The following SMAP2 variants were observed in gnomAD, a reference collection of about 807,000 sequenced individuals.
The protein encoded by SMAP2 is stromal membrane-associated protein 2.
Under a neutral mutation model 56.4 loss-of-function variants are expected in SMAP2, and 25 were observed. The ratio of observed to expected loss-of-function variants is 0.44; its 90% CI spans 0.32 to 0.62. The LOEUF is 0.62. Among genes scored for constraint, SMAP2 ranks in the 20% least tolerant of loss-of-function variants. The pLI is 0.04. For missense variants in SMAP2, 388 were observed against 545.6 expected (o/e 0.71, Z 2.88); for synonymous variants, 157 against 181.7 (o/e 0.86, Z 1.09).
At chr1:40,387,682 C>T (rs899420291) in intron 1 of SMAP2, among the ~76,000 whole-genome samples, 3 of 152,118 alleles carry the variant, frequency 2.0e-5, no homozygotes, top group Non-Finnish European at 2.9e-5. Context: ...TGAGAGGTGA[C>T]AGCGTGCTGG....
At chr1:40,383,270 C>G (rs1462533767) in intron 1 of SMAP2, among the ~76,000 whole-genome samples, 1 of 152,186 alleles carries the variant, frequency 6.6e-6, no homozygotes, top group East Asian at 1.9e-4. Context: ...AGTCTGGTGG[C>G]AGCTGGAAGT....
chr1:40,360,175 T>G (rs998627722), intron 1 of SMAP2, among the ~76,000 whole-genome samples: 1 of 151,096 alleles, frequency 6.6e-6, no homozygotes, highest in Non-Finnish European at 1.5e-5. Context: ...CCCGGCTAAT[T>G]TTTTGTAATT....
At chr1:40,400,141 G>GT (rs1569887866) in intron 1 of SMAP2, among the ~76,000 whole-genome samples, 2 of 152,282 alleles carry the variant, frequency 1.3e-5, no homozygotes, top group East Asian at 1.9e-4. Context: ...TAGGGAAAGA[G>GT]TTTTTTTAGG....
intron 1 of SMAP2, among the ~76,000 whole-genome samples, chr1:40,347,258 T>G (rs34244032): frequency 0.67 from 94,822 of 141,752 alleles, 32,231 homozygotes; most frequent in East Asian, 0.92. Context: ...TTTGTTTTTT[T>G]TTTTTTTTTT....
chr1:40,376,904 A>G (rs1470643423), intron 1 of SMAP2, among the ~76,000 whole-genome samples: 2 of 152,226 alleles, frequency 1.3e-5, no homozygotes, highest in Non-Finnish European at 2.9e-5. Context: ...GTTCCAAAAT[A>G]TAACTCTTTG....
At chr1:40,376,836 A>G (rs188131688) in intron 1 of SMAP2, among the ~76,000 whole-genome samples, 1 of 152,356 alleles carries the variant, frequency 6.6e-6, no homozygotes, top group East Asian at 1.9e-4. Flanking sequence ...TCATCTATTA[A>G]TATCCAGTTA....
At chr1:40,359,535 G>A (rs1019093319) in intron 1 of SMAP2, among the ~76,000 whole-genome samples, 3 of 152,114 alleles carry the variant, frequency 2.0e-5, no homozygotes, top group South Asian at 2.1e-4. Context: ...TGGTAAGTAA[G>A]GACTTATGCC....
In SMAP2 at chr1:40,409,748, T is replaced by G; in HGVS notation, c.324-9T>G. 6.2e-7 allele frequency: 1 copy of G among 1,601,550 alleles called. No individual in the cohort carries two copies. The highest frequency in any genetic ancestry group is 2.2e-5 in the East Asian group (1 of 44,792). On this transcript the variant is annotated splice_polypyrimidine_tract_variant and intron_variant, in intron 3 of 9. Coordinates refer to ENST00000372718, the MANE Select transcript of SMAP2 (RefSeq NM_022733.3). Reference sequence around the variant, plus strand: ...CTTGTTGGATTCATCCTTAATAAGCTTTTTGCAGAGCTGTTGAAGGATTTA... The same window carrying G: ...CTTGTTGGATTCATCCTTAATAAGCGTTTTGCAGAGCTGTTGAAGGATTTA...
rs1042817380 is a variant in SMAP2 at position 40,407,183 on chromosome 1, A to G, written c.237+314A>G. 2.0e-4 allele frequency among the ~76,000 whole-genome samples: 30 copies of G among 152,304 alleles called. 1 individual carries two copies. The highest frequency in any genetic ancestry group is 7.2e-4 in the African/African-American group (30 of 41,570). ...TAGCATTTGCAGGTCTAAAATTTAT[A>G]GTTTCAAATATTCACTTTTGGTCGG... On this transcript the variant is annotated intron_variant, in intron 2 of 9. Transcript: ENST00000372718.
intron 1 of SMAP2, chr1:40,393,575 T>C: frequency 7.1e-7 from 1 of 1,405,608 alleles, no homozygotes; most frequent in Admixed American, 2.2e-5. Context: ...TGACAGAGTC[T>C]TGCTCTGTCG....
At chr1:40,399,139 ATTTATT>A in intron 1 of SMAP2, among the ~76,000 whole-genome samples, 1 of 151,490 alleles carries the variant, frequency 6.6e-6, no homozygotes, top group South Asian at 2.1e-4. Flanking sequence ...TATTTCATTG[ATTTATT>A]TTTATTTTTA....
chr1:40,393,201 CT>C, intron 1 of SMAP2: 1 of 736,932 alleles, frequency 1.4e-6, no homozygotes, highest in Non-Finnish European at 2.0e-6. Flanking sequence ...TAGCACATGC[CT>C]GTAGTCCCAG....
chr1:40,386,751 AAC>A lies in SMAP2; in HGVS notation c.103+12530_103+12531del, dbSNP rs913078237. Among the ~76,000 whole-genome samples the A allele has an allele frequency of 2.7e-3, 96 of 35,378 alleles. No individual in the cohort carries two copies. Among genetic ancestry groups the A allele is most frequent in the African/African-American group, 0.019 (83 of 4,346 alleles). 23.2% of individuals were successfully genotyped at this position (35,378 alleles called of 152,430 possible). A position where few individuals can be genotyped will look rare whatever the true frequency, so the allele number is the denominator to read the frequency against. ...ATCAGTAAATGCTGGTTTTTTTTAAAACAACAACAACTTTATCTTTTATGATT... is the reference window on the plus strand; with the variant it reads ...ATCAGTAAATGCTGGTTTTTTTTAAAAACAACAACTTTATCTTTTATGATT... On this transcript the variant is annotated intron_variant, in intron 1 of 9. Coordinates refer to ENST00000372718, the MANE Select transcript of SMAP2 (RefSeq NM_022733.3). This position sits in a 1 kb window ranked among gnomAD's most constrained non-coding sequence, Gnocchi z 4.1.
intron 1 of SMAP2, among the ~76,000 whole-genome samples, chr1:40,347,683 C>A (rs1170481037): frequency 6.6e-6 from 1 of 152,024 alleles, no homozygotes; most frequent in Non-Finnish European, 1.5e-5. Flanking sequence ...TCAGATAATT[C>A]TTTGTTCATT....
chr1:40,353,047 C>T (rs188798766), intron 1 of SMAP2, among the ~76,000 whole-genome samples: 6 of 152,288 alleles, frequency 3.9e-5, no homozygotes, highest in Non-Finnish European at 5.9e-5. Context: ...TCCGGGGTTG[C>T]CCACAGCCAT....
At chr1:40,414,964 C>T (rs188792284) in intron 6 of SMAP2, among the ~76,000 whole-genome samples, 1 of 152,360 alleles carries the variant, frequency 6.6e-6, no homozygotes, top group Admixed American at 6.5e-5. Flanking sequence ...AATGAACCCT[C>T]CTCCATACCT....
intron 1 of SMAP2, among the ~76,000 whole-genome samples, chr1:40,381,407 C>T (rs759754306): frequency 2.0e-5 from 3 of 152,134 alleles, no homozygotes; most frequent in African/African-American, 4.8e-5. Context: ...AAGTCTTCCT[C>T]GGGAAGTCAT....
chr1:40,401,980 C>G (rs1419983756), intron 1 of SMAP2, among the ~76,000 whole-genome samples: 1 of 152,206 alleles, frequency 6.6e-6, no homozygotes, highest in South Asian at 2.1e-4. Context: ...CACGCCTGCT[C>G]TTAGGCTCCT....
chr1:40,406,345 CTTT>C lies in SMAP2; in HGVS notation c.104-388_104-386del, dbSNP rs993908034. ...ACAAATGCCCACTTATTATATAATT[CTTT>C]TTATATTAAATGCCCAGAATTGGCA... On this transcript the variant is annotated intron_variant, in intron 1 of 9. Transcript: ENST00000372718. Among the ~76,000 whole-genome samples, 14 of 152,236 alleles carry C rather than the reference CTTT, an allele frequency of 9.2e-5. 1 individual carries two copies. Among genetic ancestry groups the C allele is most frequent in the East Asian group, 5.8e-4 (3 of 5,186 alleles).
Sources: gnomAD v4.1 joint callset for allele counts (sites outside exome capture counted in the v4.1 genomes callset) on GRCh38, gnomAD v4.1.1 for gene constraint, Gnocchi (gnomAD v3.1) non-coding constraint, MANE v1.5 for transcripts, NCBI Gene and HGNC (gene_info 2026-07-23, HGNC 2026-07-21) for gene names.